The following PRX variants were observed in gnomAD, a reference collection of about 807,000 sequenced individuals.
PRX encodes the protein periaxin.
PRX carries 24 observed loss-of-function variants against 29.6 expected under a neutral mutation model. The observed-to-expected ratio is 0.81, with a 90% CI of 0.59 to 1.14. PRX has a LOEUF of 1.14. PRX is among the 50% of genes most tolerant of loss of function. The pLI is 0.00. For synonymous variants in PRX, 772 were observed against 831.7 expected (o/e 0.93, Z 1.24); for missense variants, 1,838 against 1,926.4 (o/e 0.95, Z 0.86).
In PRX at chr19:40,394,977, G is replaced by T; in HGVS notation, c.3375C>A (p.Gly1125=). 1 of 1,608,516 alleles carries T rather than the reference G, an allele frequency of 6.2e-7. No homozygotes were observed. Among genetic ancestry groups the T allele is most frequent in the Non-Finnish European group, 8.5e-7 (1 of 1,179,546 alleles). The change falls in exon 7 of 7, where the codon GGC becomes GGA. Residue 1125 remains glycine (G), a synonymous_variant. Coordinates refer to ENST00000324001, the MANE Select transcript of PRX (RefSeq NM_181882.3). The surrounding 1 kb of genome is among the most constrained non-coding windows in gnomAD (Gnocchi z 5.8). The part of the protein sequence containing the change: ...AVAVSGMQLS[G]LKVSTAGQVV... Reference sequence around the variant, plus strand: ...CCTGCCCGGCTGTGGACACCTTCAGGCCTGACAGCTGCATTCCACTGACGG... The same window carrying T: ...CCTGCCCGGCTGTGGACACCTTCAGTCCTGACAGCTGCATTCCACTGACGG...
intron 1 of PRX, among the ~76,000 whole-genome samples, chr19:40,412,739 AGG>A (rs2079564182): frequency 6.6e-6 from 1 of 152,122 alleles, no homozygotes; most frequent in African/African-American, 2.4e-5. Context: ...TTTTGGAGAC[AGG>A]GTCTCCCTCT....
intron 1 of PRX, among the ~76,000 whole-genome samples, chr19:40,410,764 G>T (rs1350005008): frequency 1.3e-5 from 2 of 152,140 alleles, no homozygotes; most frequent in Non-Finnish European, 2.9e-5. Context: ...CCAGCTACTC[G>T]GGAGGCTGAG....
intron 1 of PRX, among the ~76,000 whole-genome samples, chr19:40,409,456 A>ATTATTATTG (rs1555802694): frequency 2.7e-5 from 4 of 146,028 alleles, no homozygotes; most frequent in Non-Finnish European, 6.0e-5. Flanking sequence ...ACTTGCTATT[A>ATTATTATTG]TTATTATTAT....
In PRX at chr19:40,395,008, G is replaced by T; in HGVS notation, c.3344C>A (p.Ala1115Asp). 1 of 1,609,380 alleles carries T rather than the reference G, an allele frequency of 6.2e-7. No individual in the cohort carries two copies. The highest frequency in any genetic ancestry group is 8.5e-7 in the Non-Finnish European group (1 of 1,179,882). The change falls in exon 7 of 7, where the codon GCT becomes GAT. Residue 1115 changes from alanine to aspartate, a missense_variant. Around this residue, in one of 3 missense-constraint regions of PRX, gnomAD observed 1,143 missense variants for 1,193.0 expected, o/e 0.96. Transcript: ENST00000324001. ...GAQEEGRAEGAVAVSGMQLSG... is the reference protein window; with the variant it reads ...GAQEEGRAEGDVAVSGMQLSG... ...CAGCTGCATTCCACTGACGGCCACA[G>T]CCCCCTCTGCCCTCCCTTCCTCCTG...
At chr19:40,410,777 A>G (rs2079554961) in intron 1 of PRX, among the ~76,000 whole-genome samples, 1 of 152,210 alleles carries the variant, frequency 6.6e-6, no homozygotes, top group Non-Finnish European at 1.5e-5. Flanking sequence ...AGGCTGAGGC[A>G]GGAGAATCGC....
Position 40,397,858 on chromosome 19 carries a change from C to A in PRX, c.494G>T (p.Arg165Leu). ...DVEFSFPKFS[R>L]LRRGLKAEAV... ...CTCGGCTTTGAGGCCCCGACGCAGGCGGGAGAACTTGGGAAAGGAGAACTC... is the reference window on the plus strand; with the variant it reads ...CTCGGCTTTGAGGCCCCGACGCAGGAGGGAGAACTTGGGAAAGGAGAACTC... The change falls in exon 7 of 7, where the codon CGC (arginine) becomes CTC (leucine). Residue 165 changes from arginine to leucine, a missense_variant. Arg to Leu is a moderately radical substitution (Grantham distance 102). Transcript: ENST00000324001. 6.2e-7 allele frequency: 1 copy of A among 1,606,556 alleles called. No homozygotes were observed. The highest frequency in any genetic ancestry group is 8.5e-7 in the Non-Finnish European group (1 of 1,176,988).
In PRX at chr19:40,398,480, G is replaced by A. The variant is rs2079463394; in HGVS notation, c.381+140C>T. On this transcript the variant is annotated intron_variant, in intron 6 of 6. Coordinates refer to ENST00000324001, the MANE Select transcript of PRX (RefSeq NM_181882.3). This position sits in a 1 kb window ranked among gnomAD's most constrained non-coding sequence, Gnocchi z 6.3. ...GGGAAGAGTTTGGGGCAGAGAGGAA[G>A]GGGCAGAGGGTGGAATTAGCTTGGG... The A allele has an allele frequency of 3.2e-6, 5 of 1,538,876 alleles. No individual in the cohort carries two copies. Among genetic ancestry groups the A allele is most frequent in the African/African-American group, 2.7e-5 (2 of 73,534 alleles).
Position 40,396,359 on chromosome 19 carries a change from T to C in PRX, c.1993A>G (p.Met665Val), listed in dbSNP as rs747528144. ...PEVQLPKVPE[M>V]KLPKMPEMAV... ...ATCTCAGGCATTTTAGGGAGTTTCATCTCTGGGACTTTCGGGAGCTGCACT... is the reference window on the plus strand; with the variant it reads ...ATCTCAGGCATTTTAGGGAGTTTCACCTCTGGGACTTTCGGGAGCTGCACT... The change falls in exon 7 of 7, where the codon ATG becomes GTG. Residue 665 changes from methionine (M) to valine (V), a missense_variant. Physicochemically the swap from Met to Val is conservative, Grantham distance 21. Coordinates refer to ENST00000324001, the MANE Select transcript of PRX (RefSeq NM_181882.3). 3.1e-6 allele frequency: 5 copies of C among 1,611,928 alleles called. No individual in the cohort carries two copies. Among genetic ancestry groups the C allele is most frequent in the South Asian group, 1.1e-5 (1 of 91,006 alleles).
At position 40,403,923 on chromosome 19, in the gene PRX, C is replaced by G. The variant is rs896468695; in HGVS notation, c.28-61G>C. 1.2e-5 allele frequency: 19 copies of G among 1,567,348 alleles called. No homozygotes were observed. The African/African-American group carries it at 2.0e-4, about 17-fold the overall frequency. ...AGGGCCGGACCTCGCCCAGAGCCCGCCATTGCGCTCAACAGTGGCTCATAT... is the reference window on the plus strand; with the variant it reads ...AGGGCCGGACCTCGCCCAGAGCCCGGCATTGCGCTCAACAGTGGCTCATAT... On this transcript the variant is annotated intron_variant, in intron 4 of 6. Transcript: ENST00000324001.
intron 1 of PRX, among the ~76,000 whole-genome samples, chr19:40,409,693 A>G (rs1215314996): frequency 6.6e-6 from 1 of 151,836 alleles, no homozygotes; most frequent in East Asian, 1.9e-4. Context: ...GCTGGTCTGG[A>G]ACTCCTGACC....
In PRX at chr19:40,395,494, C is replaced by T. The variant is rs1568704803; in HGVS notation, c.2858G>A (p.Arg953Gln). The change falls in exon 7 of 7, where the codon CGA becomes CAA. Residue 953 changes from arginine to glutamine, a missense_variant. Coordinates refer to ENST00000324001, the MANE Select transcript of PRX (RefSeq NM_181882.3). ...VAKAEAEGAG[R>Q]ATKLKVSKFA... ...TTTGGATACCTTCAGCTTGGTAGCTCGCCCAGCCCCCTCAGCCTCTGCCTT... is the reference window on the plus strand; with the variant it reads ...TTTGGATACCTTCAGCTTGGTAGCTTGCCCAGCCCCCTCAGCCTCTGCCTT... 6.2e-7 allele frequency: 1 copy of T among 1,613,868 alleles called. No homozygotes were observed. The highest frequency in any genetic ancestry group is 8.5e-7 in the Non-Finnish European group (1 of 1,179,958).
At chr19:40,399,098 G>A (rs2079470323) in intron 5 of PRX, among the ~76,000 whole-genome samples, 1 of 151,276 alleles carries the variant, frequency 6.6e-6, no homozygotes, top group South Asian at 2.1e-4. Flanking sequence ...TTCTTTTACC[G>A]AGAGAACAGA....
chr19:40,398,534 C>T lies in PRX; in HGVS notation c.381+86G>A. ...GTGACAAGACAGAGGGCAAGGCTGG[C>T]CCACGATGGCGGGGAATGGGGCTCA... On this transcript the variant is annotated intron_variant, in intron 6 of 6. Transcript: ENST00000324001. The surrounding 1 kb of genome is among the most constrained non-coding windows in gnomAD (Gnocchi z 6.3). The T allele has an allele frequency of 6.3e-7, 1 of 1,590,196 alleles. No homozygotes were observed.
chr19:40,403,617 G>A lies in PRX; in HGVS notation c.184+89C>T, dbSNP rs2079510877. 13 of 1,401,574 alleles carry A rather than the reference G, an allele frequency of 9.3e-6. No homozygotes were observed. The South Asian group carries it at 1.4e-4, about 16-fold the overall frequency. The allele number at this position is 1,401,574 out of a possible 1,614,324, so 86.8% of individuals were successfully genotyped here. A position where few individuals can be genotyped will look rare whatever the true frequency, so the allele number is the denominator to read the frequency against. ...GTCGCCGGTCACGCCCCCATCCCCC[G>A]GTCAGTTTCAGCCTCTCTTTGGACC... On this transcript the variant is annotated intron_variant, in intron 5 of 6. Coordinates refer to ENST00000324001, the MANE Select transcript of PRX (RefSeq NM_181882.3).
At chr19:40,411,362 G>A (rs1308484255) in intron 1 of PRX, among the ~76,000 whole-genome samples, 4 of 152,170 alleles carry the variant, frequency 2.6e-5, no homozygotes, top group East Asian at 3.9e-4. Flanking sequence ...TGACAGAGTC[G>A]AGACTTGAGC....
At chr19:40,404,875 G>C (rs563385880) in intron 4 of PRX, among the ~76,000 whole-genome samples, 80 of 152,118 alleles carry the variant, frequency 5.3e-4, no homozygotes, top group Non-Finnish European at 9.3e-4. Flanking sequence ...CATCTGGCCC[G>C]GAGACCCATA....
chr19:40,405,883 C>T lies in PRX; in HGVS notation c.28-2021G>A, dbSNP rs556251701. ...CGATCTCTTGACTTCATGATCCACC[C>T]GCCTCAGCTTCCCAGAGTGCTGAGA... is the stretch of plus-strand genomic sequence containing the variant. On this transcript the variant is annotated intron_variant, in intron 4 of 6. Transcript: ENST00000324001. 8.6e-5 allele frequency among the ~76,000 whole-genome samples: 13 copies of T among 151,598 alleles called. No individual in the cohort carries two copies. The East Asian group carries it at 2.4e-3, about 28-fold the overall frequency.
chr19:40,408,755 C>T (rs1339267119), intron 1 of PRX, among the ~76,000 whole-genome samples: 1 of 152,006 alleles, frequency 6.6e-6, no homozygotes, highest in Non-Finnish European at 1.5e-5. Context: ...CTTGGCCTCC[C>T]GAGTAGCTGG....
chr19:40,408,784 C>A (rs2079544340), intron 1 of PRX, among the ~76,000 whole-genome samples: 1 of 150,780 alleles, frequency 6.6e-6, no homozygotes, highest in Non-Finnish European at 1.5e-5. Flanking sequence ...GTGCATGCCA[C>A]AACACCCGGC....
Sources: allele counts gnomAD v4.1 joint callset (sites outside exome capture counted in the v4.1 genomes callset), GRCh38; gene constraint gnomAD v4.1.1; regional missense constraint gnomAD v4.1.1; non-coding constraint Gnocchi (gnomAD v3.1); transcripts MANE v1.5; gene names NCBI Gene and HGNC (gene_info 2026-07-23, HGNC 2026-07-21).